Variants in CAMK2D observed in about 807,000 individuals in gnomAD.
The protein encoded by CAMK2D is calcium/calmodulin dependent protein kinase II delta.
In CAMK2D, 37 loss-of-function variants were observed where a neutral mutation model predicts 84.0. That is an observed-to-expected ratio of 0.44 (90% CI 0.34 to 0.58). CAMK2D has a LOEUF of 0.58. Ranked by LOEUF, CAMK2D falls within the 20% of genes least tolerant of loss-of-function variation. The pLI, the probability that CAMK2D is intolerant of heterozygous loss-of-function variation, is 0.02. For missense variants in CAMK2D, 448 were observed against 652.5 expected (o/e 0.69, Z 3.41); for synonymous variants, 202 against 212.5 (o/e 0.95, Z 0.43).
chr4:113,548,558 A>G (rs1459342448), intron 5 of CAMK2D: 1 of 589,958 alleles, frequency 1.7e-6, no homozygotes, highest in Non-Finnish European at 3.0e-6. Context: ...ACAAGTTGGG[A>G]AAGGCAAGGG....
At chr4:113,610,353 A>AAAT (rs746446930) in intron 3 of CAMK2D, among the ~76,000 whole-genome samples, 6 of 152,188 alleles carry the variant, frequency 3.9e-5, no homozygotes, top group Non-Finnish European at 7.3e-5. Flanking sequence ...AGTCACCACA[A>AAAT]AATAATAATG....
At chr4:113,559,827 T>C (rs1017798335) in intron 4 of CAMK2D, among the ~76,000 whole-genome samples, 8 of 152,204 alleles carry the variant, frequency 5.3e-5, no homozygotes, top group African/African-American at 1.7e-4. Context: ...CTGTAGATAA[T>C]GGGTGAATTT....
intron 3 of CAMK2D, among the ~76,000 whole-genome samples, chr4:113,657,254 TA>T (rs1321854984): frequency 6.6e-6 from 1 of 152,162 alleles, no homozygotes; most frequent in Non-Finnish European, 1.5e-5. Context: ...GGTCCCCTGG[TA>T]TCAAATTACC....
rs1306526565 is a variant in CAMK2D, at chr4:113,513,444, G to GA, written c.904-75dup. 5.4e-6 allele frequency: 5 copies of GA among 930,872 alleles called. No individual in the cohort carries two copies. In the African/African-American group the frequency reaches 8.2e-5, roughly 15 times the overall value. The allele number at this position is 930,872 out of a possible 1,614,324, so 57.7% of individuals were successfully genotyped here. On this transcript the variant is annotated intron_variant, in intron 11 of 20. Transcript: ENST00000511664. ...TGGACCTAACAAATATAGAGTCTTT[G>GA]ATAACAAATCTTTTCCTGGCCCTAC...
chr4:113,644,310 A>G (rs186864129), intron 3 of CAMK2D, among the ~76,000 whole-genome samples: 1 of 152,332 alleles, frequency 6.6e-6, no homozygotes, highest in African/African-American at 2.4e-5. Flanking sequence ...AATGGGACAA[A>G]AGTTTAAAAG....
intron 3 of CAMK2D, among the ~76,000 whole-genome samples, chr4:113,624,106 T>G (rs983744211): frequency 6.6e-6 from 1 of 152,210 alleles, no homozygotes; most frequent in African/African-American, 2.4e-5. Context: ...ATGGAGACTT[T>G]CCTTCTATTT....
At chr4:113,459,811 AG>A (rs2097350987) in intron 18 of CAMK2D, among the ~76,000 whole-genome samples, 1 of 151,838 alleles carries the variant, frequency 6.6e-6, no homozygotes, top group South Asian at 2.1e-4. Context: ...TTTTTAGTAG[AG>A]ATGAGCCTTT....
At chr4:113,672,800 G>T (rs1305294015) in intron 2 of CAMK2D, among the ~76,000 whole-genome samples, 3 of 151,582 alleles carry the variant, frequency 2.0e-5, no homozygotes, top group Non-Finnish European at 4.4e-5. Context: ...CATAAATGAG[G>T]TTTAATGCAG....
At chr4:113,659,056 A>G (rs1303008202) in intron 3 of CAMK2D, among the ~76,000 whole-genome samples, 2 of 152,196 alleles carry the variant, frequency 1.3e-5, no homozygotes, top group Non-Finnish European at 2.9e-5. Flanking sequence ...TTCTCTTTTT[A>G]TAAGTTTAGT....
At chr4:113,664,805 ATT>A (rs201297299) in intron 2 of CAMK2D, among the ~76,000 whole-genome samples, 1 of 145,454 alleles carries the variant, frequency 6.9e-6, no homozygotes, top group Admixed American at 6.8e-5. Flanking sequence ...GCCACAGTAG[ATT>A]TTTTTTTTTT....
chr4:113,502,916 T>C lies in CAMK2D; in HGVS notation c.1086+20A>G. ...GTATAGTCTTGTTAAAGCAAGATGA[T>C]GTTGATTCTTTCTGAATACCTTGTT... On this transcript the variant is annotated intron_variant, in intron 15 of 20. Coordinates refer to ENST00000511664, the MANE Select transcript of CAMK2D (RefSeq NM_001321571.2). The C allele has an allele frequency of 6.4e-7, 1 of 1,553,082 alleles. No individual in the cohort carries two copies. The highest frequency in any genetic ancestry group is 8.9e-7 in the Non-Finnish European group (1 of 1,124,284).
At chr4:113,645,048 G>A (rs1278565971) in intron 3 of CAMK2D, among the ~76,000 whole-genome samples, 6 of 152,044 alleles carry the variant, frequency 3.9e-5, no homozygotes, top group South Asian at 2.1e-4. Flanking sequence ...ACGGACTCTC[G>A]CTCTGTCGCC....
At chr4:113,551,656 T>A (rs999124520) in intron 5 of CAMK2D, among the ~76,000 whole-genome samples, 2 of 152,220 alleles carry the variant, frequency 1.3e-5, no homozygotes, top group African/African-American at 2.4e-5. Context: ...AATTTAATTT[T>A]AATTAATTGA....
chr4:113,624,316 A>G (rs2099058849), intron 3 of CAMK2D, among the ~76,000 whole-genome samples: 1 of 152,198 alleles, frequency 6.6e-6, no homozygotes, highest in South Asian at 2.1e-4. Flanking sequence ...AACTTCTACA[A>G]AAAATAAGCA....
At chr4:113,526,536 A>G (rs1325859777) in intron 8 of CAMK2D, among the ~76,000 whole-genome samples, 1 of 152,112 alleles carries the variant, frequency 6.6e-6, no homozygotes, top group South Asian at 2.1e-4. Flanking sequence ...AAAGATGGAA[A>G]CTACTCTCTA....
intron 16 of CAMK2D, among the ~76,000 whole-genome samples, chr4:113,471,618 A>C (rs1275078628): frequency 6.6e-6 from 1 of 151,976 alleles, no homozygotes; most frequent in Non-Finnish European, 1.5e-5. Flanking sequence ...GCCATTCTAC[A>C]TTCTTCCAAC....
chr4:113,659,205 A>G (rs1168381368), intron 3 of CAMK2D, among the ~76,000 whole-genome samples: 1 of 152,228 alleles, frequency 6.6e-6, no homozygotes, highest in Non-Finnish European at 1.5e-5. Flanking sequence ...AGGACCTGAT[A>G]CAAACCAAAC....
At chr4:113,467,461 A>T (rs1426138934) in intron 16 of CAMK2D, among the ~76,000 whole-genome samples, 1 of 152,238 alleles carries the variant, frequency 6.6e-6, no homozygotes, top group Non-Finnish European at 1.5e-5. Flanking sequence ...AAATACAAGT[A>T]ATAAACTATC....
At chr4:113,659,541 G>A (rs986287858) in intron 3 of CAMK2D, among the ~76,000 whole-genome samples, 4 of 152,272 alleles carry the variant, frequency 2.6e-5, no homozygotes, top group South Asian at 4.2e-4. Context: ...AAATGAGGAC[G>A]CAGACATTAT....
Sources: gnomAD v4.1 joint callset for allele counts (sites outside exome capture counted in the v4.1 genomes callset) on GRCh38, gnomAD v4.1.1 for gene constraint, MANE v1.5 for transcripts, NCBI Gene and HGNC (gene_info 2026-07-23, HGNC 2026-07-21) for gene names.